FMN1: variants seen among roughly 807,000 people sequenced by gnomAD.
The protein encoded by FMN1 is formin 1.
FMN1 carries 110 observed loss-of-function variants against 132.4 expected under a neutral mutation model. The ratio of observed to expected loss-of-function variants is 0.83; its 90% confidence interval spans 0.71 to 0.97. The LOEUF (loss-of-function observed/expected upper bound fraction) is 0.97. Among genes scored for constraint, FMN1 ranks in the 50% least tolerant of loss-of-function variants. The pLI is 0.00. For synonymous variants in FMN1, 722 were observed against 651.7 expected, an observed-to-expected ratio of 1.11 and a Z score of -1.64; for missense variants, 1,792 against 1,705.3, an observed-to-expected ratio of 1.05 and a Z score of -0.90.
intron 4 of FMN1, among the ~76,000 whole-genome samples, chr15:33,116,691 G>C (rs770752396): frequency 1.3e-5 from 2 of 152,034 alleles, no homozygotes; most frequent in Non-Finnish European, 2.9e-5. Flanking sequence ...GTTGTAGAGA[G>C]GAAATTCATA....
chr15:33,136,678 C>G (rs556938295), intron 4 of FMN1, among the ~76,000 whole-genome samples: 1 of 152,264 alleles, frequency 6.6e-6, no homozygotes, highest in South Asian at 2.1e-4. Context: ...ACAATGTTTT[C>G]TCTTTAATTT....
chr15:32,778,683 C>T (rs894444590), intron 19 of FMN1, among the ~76,000 whole-genome samples: 2 of 152,074 alleles, frequency 1.3e-5, no homozygotes, highest in Non-Finnish European at 2.9e-5. Context: ...TGTGAAGAAA[C>T]TGGAACCCTT....
chr15:33,018,983 G>A (rs925960571), intron 6 of FMN1, among the ~76,000 whole-genome samples: 17 of 152,186 alleles, frequency 1.1e-4, no homozygotes, highest in African/African-American at 3.1e-4. Context: ...GGAGTGAGCA[G>A]CAGCAAGATT....
chr15:33,153,610 C>T lies in FMN1; in HGVS notation c.1305G>A (p.Glu435=), dbSNP rs1964541139. The T allele has an allele frequency of 2.6e-6, 4 of 1,536,118 alleles. No individual in the cohort carries two copies. In the African/African-American group the frequency reaches 5.5e-5, roughly 21 times the overall value. Reference sequence around the variant, plus strand: ...GGACAGGGAAGCCCAGTCTTTTCCCCTCAGGGGCTTCATCTAACTTCTCAC... The same window carrying T: ...GGACAGGGAAGCCCAGTCTTTTCCCTTCAGGGGCTTCATCTAACTTCTCAC... ...IESEKLDEAP[E]GKRLGFPVHT... is the part of the protein sequence containing the mutation. The change falls in exon 4 of 21, where the codon GAG becomes GAA. Residue 435 remains glutamate, a synonymous_variant. Coordinates refer to ENST00000616417, the MANE Select transcript of FMN1 (RefSeq NM_001277313.2).
In FMN1 at chr15:32,807,923, C is replaced by T. The variant is rs548899315; in HGVS notation, c.3929-3591G>A. Among the ~76,000 whole-genome samples the T allele has an allele frequency of 1.1e-4, 16 of 152,284 alleles. No individual in the cohort carries two copies. In the South Asian group the frequency reaches 2.7e-3, roughly 26 times the overall value. Reference sequence around the variant, plus strand: ...AGCTCTAACAGCATGAAATATTTCTCCTACTTGAATGTGTAAAATTTTAAA... The same window carrying T: ...AGCTCTAACAGCATGAAATATTTCTTCTACTTGAATGTGTAAAATTTTAAA... On this transcript the variant is annotated intron_variant, in intron 17 of 20. Transcript: ENST00000616417.
intron 9 of FMN1, among the ~76,000 whole-genome samples, chr15:32,931,416 T>C (rs576925706): frequency 6.6e-6 from 1 of 152,360 alleles, no homozygotes; most frequent in Non-Finnish European, 1.5e-5. Context: ...TCTTTTACCC[T>C]CTTCAGTTTA....
intron 15 of FMN1, among the ~76,000 whole-genome samples, chr15:32,888,850 T>C (rs867462775): frequency 6.8e-6 from 1 of 146,440 alleles, no homozygotes; most frequent in Non-Finnish European, 1.5e-5. Flanking sequence ...TCTACACATA[T>C]ACACAGGTTT....
intron 4 of FMN1, among the ~76,000 whole-genome samples, chr15:33,127,146 C>T (rs1345614521): frequency 6.6e-6 from 1 of 150,884 alleles, no homozygotes; most frequent in Non-Finnish European, 1.5e-5. Flanking sequence ...TAGCAGACTT[C>T]CCATGTTACA....
At chr15:32,987,593 A>G (rs997443994) in intron 7 of FMN1, among the ~76,000 whole-genome samples, 1 of 152,176 alleles carries the variant, frequency 6.6e-6, no homozygotes, top group Non-Finnish European at 1.5e-5. Flanking sequence ...TTTTATAAAG[A>G]TTGGCATGAA....
At chr15:33,164,047 G>A (rs1965001670) in intron 3 of FMN1, among the ~76,000 whole-genome samples, 1 of 152,142 alleles carries the variant, frequency 6.6e-6, no homozygotes, top group East Asian at 1.9e-4. Context: ...AGGCACCAGA[G>A]GAAGAAGACA....
chr15:33,018,050 G>A (rs1340714279), intron 6 of FMN1, among the ~76,000 whole-genome samples: 4 of 143,486 alleles, frequency 2.8e-5, no homozygotes, highest in Non-Finnish European at 6.1e-5. Context: ...GGGCAACAGA[G>A]CGACACTACC....
chr15:33,067,350 C>G, intron 5 of FMN1: 16 of 1,613,976 alleles, frequency 9.9e-6, no homozygotes, highest in Non-Finnish European at 1.4e-5. Flanking sequence ...TCTTTGGACT[C>G]CTGAGATGGC....
chr15:33,104,602 C>G (rs938418319), intron 4 of FMN1, among the ~76,000 whole-genome samples: 1 of 151,876 alleles, frequency 6.6e-6, no homozygotes, highest in African/African-American at 2.4e-5. Context: ...ACTCAATCAG[C>G]TAAAGGAAAT....
chr15:33,129,391 C>T (rs973272962), intron 4 of FMN1, among the ~76,000 whole-genome samples: 19 of 152,188 alleles, frequency 1.2e-4, no homozygotes, highest in African/African-American at 2.4e-4. Flanking sequence ...TATAAATAAC[C>T]GTGGTAAGAT....
chr15:33,127,233 G>C (rs964553945), intron 4 of FMN1, among the ~76,000 whole-genome samples: 6 of 152,210 alleles, frequency 3.9e-5, no homozygotes, highest in Admixed American at 1.3e-4. Flanking sequence ...TCAACTGGTC[G>C]GATCATCACT....
chr15:32,824,792 C>G lies in FMN1; in HGVS notation c.3929-20460G>C, dbSNP rs180832468. ...TTATAATTAGCTATAAATTCAGCTA[C>G]TCTCGTTCTGCCGATGAATCTCAAA... On this transcript the variant is annotated intron_variant, in intron 17 of 20. Transcript: ENST00000616417. Among the ~76,000 whole-genome samples the G allele has an allele frequency of 2.3e-3, 347 of 152,328 alleles. 2 individuals carry two copies. The highest frequency in any genetic ancestry group is 8.2e-3 in the African/African-American group (342 of 41,574).
chr15:32,864,872 A>G (rs1026136649), intron 16 of FMN1, among the ~76,000 whole-genome samples: 1 of 152,268 alleles, frequency 6.6e-6, no homozygotes, highest in Non-Finnish European at 1.5e-5. Context: ...CCATCGTCTG[A>G]TAAATGGATA....
intron 13 of FMN1, among the ~76,000 whole-genome samples, chr15:32,900,984 T>G (rs2060280254): frequency 1.3e-5 from 2 of 152,038 alleles, no homozygotes; most frequent in Non-Finnish European, 1.5e-5. Flanking sequence ...TAAAACCCCA[T>G]CTCTACTAAA....
intron 3 of FMN1, among the ~76,000 whole-genome samples, chr15:33,176,176 C>T (rs993772930): frequency 6.6e-6 from 1 of 152,110 alleles, no homozygotes; most frequent in African/African-American, 2.4e-5. Flanking sequence ...AGTTCAAGAC[C>T]AGCCTGGCCA....
Sources: gnomAD v4.1 joint callset for allele counts (sites outside exome capture counted in the v4.1 genomes callset) on GRCh38, gnomAD v4.1.1 for gene constraint, MANE v1.5 for transcripts, NCBI Gene and HGNC (gene_info 2026-07-23, HGNC 2026-07-21) for gene names.